SUFU: variants seen among roughly 807,000 people sequenced by gnomAD.
The protein encoded by SUFU is SUFU negative regulator of hedgehog signaling, also known as suppressor of fused homolog.
SUFU carries 7 observed loss-of-function variants against 58.9 expected under a neutral mutation model. That is an observed-to-expected ratio of 0.12 (90% CI 0.07 to 0.22). The LOEUF (loss-of-function observed/expected upper bound fraction) is 0.22. Among genes scored for constraint, SUFU ranks in the 10% least tolerant of loss-of-function variants. The pLI is 1.00. For synonymous variants in SUFU, 232 were observed against 254.8 expected (o/e 0.91, Z 0.85); for missense variants, 451 against 641.3 (o/e 0.70, Z 3.20).
chr10:102,506,039 GAAAAAAAA>G (rs1170831161), intron 1 of SUFU, among the ~76,000 whole-genome samples: 112 of 84,212 alleles, frequency 1.3e-3, no homozygotes, highest in African/African-American at 3.5e-3. Flanking sequence ...TCTGTTATTT[GAAAAAAAA>G]AAAAAAAAAA....
chr10:102,544,882 G>C (rs987788404), intron 2 of SUFU, among the ~76,000 whole-genome samples: 1 of 152,128 alleles, frequency 6.6e-6, no homozygotes, highest in African/African-American at 2.4e-5. Context: ...GTAGTCTTTT[G>C]TATCTGGCTT....
chr10:102,599,683 C>A, intron 8 of SUFU, 139 bp downstream of exon 8: 1 of 788,784 alleles, frequency 1.3e-6, no homozygotes, highest in Non-Finnish European at 2.1e-6. Context: ...TAAGGGCAGG[C>A]ATGGTCTGGG....
At chr10:102,613,441 C>T (rs1428695698) in intron 8 of SUFU, among the ~76,000 whole-genome samples, 1 of 152,226 alleles carries the variant, frequency 6.6e-6, no homozygotes, top group Admixed American at 6.5e-5. Flanking sequence ...CGCCACAGGG[C>T]CATCCTCTGT....
intron 8 of SUFU, among the ~76,000 whole-genome samples, chr10:102,612,651 C>T (rs547613827): frequency 9.2e-5 from 14 of 152,306 alleles, no homozygotes; most frequent in African/African-American, 2.9e-4. Flanking sequence ...TTCTCTAGCA[C>T]GCCCTGCCTG....
chr10:102,587,856 G>A (rs1335939664), intron 3 of SUFU, among the ~76,000 whole-genome samples: 1 of 152,166 alleles, frequency 6.6e-6, no homozygotes, highest in East Asian at 1.9e-4. Context: ...TTATGCTTTT[G>A]ATATTGTATG....
chr10:102,541,209 A>G (rs1259310536), intron 2 of SUFU, among the ~76,000 whole-genome samples: 1 of 152,146 alleles, frequency 6.6e-6, no homozygotes, highest in Non-Finnish European at 1.5e-5. Flanking sequence ...CAAAACCAAA[A>G]GTGAGAACTA....
At chr10:102,530,295 A>G (rs987090172) in intron 2 of SUFU, among the ~76,000 whole-genome samples, 3 of 152,038 alleles carry the variant, frequency 2.0e-5, no homozygotes, top group African/African-American at 7.2e-5. Context: ...AAAGGGTCCA[A>G]AGATCGTGAG....
At chr10:102,548,645 C>T in intron 2 of SUFU, among the ~76,000 whole-genome samples, 1 of 152,144 alleles carries the variant, frequency 6.6e-6, no homozygotes, top group Non-Finnish European at 1.5e-5. Context: ...TTAATTTTAA[C>T]CTTCCCATGC....
At chr10:102,599,252 C>T (rs1023351885) in intron 7 of SUFU, among the ~76,000 whole-genome samples, 181 bp from the exon 8 acceptor site, 4 of 152,198 alleles carry the variant, frequency 2.6e-5, no homozygotes, top group African/African-American at 7.2e-5. Context: ...TTCTTAAGAG[C>T]GCGGTTGTCC....
At chr10:102,534,426 CAAAAA>C (rs544923893) in intron 2 of SUFU, among the ~76,000 whole-genome samples, 2 of 150,922 alleles carry the variant, frequency 1.3e-5, no homozygotes, top group African/African-American at 4.9e-5. Flanking sequence ...GACTCTGTCT[CAAAAA>C]AAAAGAAAGT....
intron 2 of SUFU, among the ~76,000 whole-genome samples, chr10:102,547,154 T>C (rs182578163): frequency 2.6e-5 from 4 of 152,390 alleles, no homozygotes; most frequent in Admixed American, 6.5e-5. Flanking sequence ...AATAGTCTAA[T>C]ACATTTTACA....
chr10:102,557,743 T>C (rs1042883173), intron 3 of SUFU, among the ~76,000 whole-genome samples: 2 of 152,182 alleles, frequency 1.3e-5, no homozygotes, highest in Admixed American at 1.3e-4. Context: ...TGACTATAGC[T>C]ATGACTCTCT....
chr10:102,507,990 A>G (rs1265568937), intron 1 of SUFU, among the ~76,000 whole-genome samples: 1 of 144,518 alleles, frequency 6.9e-6, no homozygotes, highest in Non-Finnish European at 1.5e-5. Flanking sequence ...TTTTTAGACA[A>G]AGTCTCACTC....
chr10:102,587,540 G>A (rs991646693), intron 3 of SUFU, among the ~76,000 whole-genome samples: 1 of 152,218 alleles, frequency 6.6e-6, no homozygotes, highest in Non-Finnish European at 1.5e-5. Flanking sequence ...CACCCAGGCT[G>A]GAGTGCAGTA....
At chr10:102,556,409 T>TATA (rs2062977868) in intron 3 of SUFU, among the ~76,000 whole-genome samples, 1 of 152,150 alleles carries the variant, frequency 6.6e-6, no homozygotes, top group Admixed American at 6.5e-5. Context: ...TATGGCTAGA[T>TATA]ATAGACAGAT....
At position 102,518,935 on chromosome 10, in the gene SUFU, C is replaced by T. The variant is rs184032328; in HGVS notation, c.317+9632C>T. On this transcript the variant is annotated intron_variant, in intron 2 of 11. Transcript: ENST00000369902. Reference sequence around the variant, plus strand: ...CAGGCGGATCATGAGGTCAGGAGATCGAGACCATCCTGGCTAACACCCTGA... The same window carrying T: ...CAGGCGGATCATGAGGTCAGGAGATTGAGACCATCCTGGCTAACACCCTGA... 2.2e-3 allele frequency among the ~76,000 whole-genome samples: 327 copies of T among 150,370 alleles called. 1 individual carries two copies. The highest frequency in any genetic ancestry group is 7.6e-3 in the African/African-American group (314 of 41,072).
chr10:102,626,810 AT>A (rs1040821109), intron 10 of SUFU, among the ~76,000 whole-genome samples: 8 of 151,572 alleles, frequency 5.3e-5, no homozygotes, highest in Non-Finnish European at 1.0e-4. Flanking sequence ...CTTTAATTTA[AT>A]TTTTTTTCCT....
chr10:102,547,837 G>C (rs1223198813), intron 2 of SUFU, among the ~76,000 whole-genome samples: 2 of 151,852 alleles, frequency 1.3e-5, no homozygotes, highest in Admixed American at 6.6e-5. Context: ...GGGGGGGAGA[G>C]AGAGAGAGAA....
intron 10 of SUFU, chr10:102,618,929 A>AGAGTGTGTGTGTGT (rs2063713911): frequency 1.6e-6 from 1 of 619,728 alleles, no homozygotes. Flanking sequence ...GTCCTCAGGT[A>AGAGTGTGTGTGTGT]GCGTGTGTGT....
Sources: allele counts gnomAD v4.1 joint callset (sites outside exome capture counted in the v4.1 genomes callset), GRCh38; gene constraint gnomAD v4.1.1; transcripts MANE v1.5; gene names NCBI Gene and HGNC (gene_info 2026-07-23, HGNC 2026-07-21).